The following SYN3 variants were observed in gnomAD, a reference collection of about 807,000 sequenced individuals.
SYN3 encodes synapsin-3.
SYN3 carries 35 observed loss-of-function variants against 65.8 expected under a neutral mutation model. That is an observed-to-expected ratio of 0.53 (90% CI 0.41 to 0.70). SYN3 has a LOEUF of 0.70. Ranked by LOEUF, SYN3 falls within the 30% of genes least tolerant of loss-of-function variation. SYN3 has a pLI of 0.00. For synonymous variants in SYN3, 270 were observed against 292.9 expected (o/e 0.92, Z 0.80); for missense variants, 680 against 749.0 (o/e 0.91, Z 1.08).
intron 3 of SYN3, among the ~76,000 whole-genome samples, chr22:32,940,360 A>G (rs565987334): frequency 2.4e-4 from 36 of 148,710 alleles, no homozygotes; most frequent in African/African-American, 8.9e-4. Flanking sequence ...ATGCACACAC[A>G]TATGTATATA....
Position 32,509,694 on chromosome 22 carries a change from T to TGG in SYN3, c.*3997_*3998insCC, listed in dbSNP as rs2057670701. ...CGCCATTCTCCTGCCTCAGCCTCCC[T>TGG]AGTAGCTGGGACTACAGGCGCCCGC... On this transcript the variant is annotated 3_prime_UTR_variant, in exon 14 of 14. Transcript: ENST00000358763. Among the ~76,000 whole-genome samples the TGG allele has an allele frequency of 6.6e-6, 1 of 151,830 alleles. No homozygotes were observed. Among genetic ancestry groups the TGG allele is most frequent in the African/African-American group, 2.4e-5 (1 of 41,344 alleles).
At chr22:32,943,661 T>C (rs963622147) in intron 3 of SYN3, among the ~76,000 whole-genome samples, 1 of 152,122 alleles carries the variant, frequency 6.6e-6, no homozygotes, top group Non-Finnish European at 1.5e-5. Flanking sequence ...GCAAATTGGA[T>C]AAAGAGTCAA....
intron 6 of SYN3, among the ~76,000 whole-genome samples, chr22:32,628,975 A>G (rs1231179728): frequency 6.6e-6 from 1 of 152,134 alleles, no homozygotes; most frequent in Non-Finnish European, 1.5e-5. Flanking sequence ...GGGCTCCTAG[A>G]CCTGGGCAGG....
chr22:32,932,383 T>C (rs2050656771), intron 3 of SYN3, among the ~76,000 whole-genome samples: 1 of 152,026 alleles, frequency 6.6e-6, no homozygotes, highest in African/African-American at 2.4e-5. Context: ...TGACTCGGGG[T>C]GGAAGAATGA....
chr22:32,747,075 T>C (rs950293072), intron 6 of SYN3, among the ~76,000 whole-genome samples: 2 of 152,212 alleles, frequency 1.3e-5, no homozygotes, highest in African/African-American at 4.8e-5. Flanking sequence ...ACACAATGGC[T>C]AGCATTTCTC....
intron 6 of SYN3, among the ~76,000 whole-genome samples, chr22:32,614,774 G>T (rs952408420): frequency 6.6e-6 from 1 of 152,188 alleles, no homozygotes; most frequent in African/African-American, 2.4e-5. Context: ...GTTCAAGCTT[G>T]TCAAATGAAG....
intron 6 of SYN3, among the ~76,000 whole-genome samples, chr22:32,597,219 T>C (rs1382452447): frequency 1.4e-5 from 2 of 140,744 alleles, no homozygotes; most frequent in Admixed American, 1.5e-4. Context: ...TTTTTTTTTT[T>C]TTTTTTTTTT....
Position 32,542,648 on chromosome 22 carries a change from G to GTT in SYN3, c.775-936_775-935insAA, listed in dbSNP as rs2058276539. Among the ~76,000 whole-genome samples the GTT allele has an allele frequency of 4.7e-5, 7 of 149,252 alleles. No homozygotes were observed. In the South Asian group the frequency reaches 1.3e-3, roughly 27 times the overall value. Reference sequence around the variant, plus strand: ...TGTGTGTATGTGTGTGTGTGTGTGTGTGTGTGCGCGCGCACACAGGCACAC... The same window carrying GTT: ...TGTGTGTATGTGTGTGTGTGTGTGTGTTTGTGTGCGCGCGCACACAGGCACAC... On this transcript the variant is annotated intron_variant, in intron 7 of 13. Coordinates refer to ENST00000358763, the MANE Select transcript of SYN3 (RefSeq NM_003490.4).
At chr22:32,638,855 T>A (rs1297053626) in intron 6 of SYN3, among the ~76,000 whole-genome samples, 1 of 152,168 alleles carries the variant, frequency 6.6e-6, no homozygotes, top group East Asian at 1.9e-4. Flanking sequence ...TTTGTTGCAA[T>A]TGCTTTTTAG....
intron 6 of SYN3, among the ~76,000 whole-genome samples, chr22:32,611,393 A>G (rs541602877): frequency 6.8e-6 from 1 of 147,794 alleles, no homozygotes; most frequent in South Asian, 2.1e-4. Context: ...TCCCAGATTC[A>G]GATGATTCTC....
chr22:32,981,571 C>G (rs5754366), intron 2 of SYN3, among the ~76,000 whole-genome samples: 1 of 151,144 alleles, frequency 6.6e-6, no homozygotes, highest in Non-Finnish European at 1.5e-5. Flanking sequence ...GCAACAAGAG[C>G]GAAACTCAGT....
At chr22:32,840,284 G>T (rs1393831917) in intron 6 of SYN3, among the ~76,000 whole-genome samples, 3 of 152,176 alleles carry the variant, frequency 2.0e-5, no homozygotes, top group African/African-American at 4.8e-5. Context: ...TTAACGGAAA[G>T]AGTTAGTCAG....
At chr22:32,780,987 T>TTCCCTCCC (rs2046042274) in intron 6 of SYN3, among the ~76,000 whole-genome samples, 1 of 132,866 alleles carries the variant, frequency 7.5e-6, no homozygotes, top group African/African-American at 2.8e-5. Flanking sequence ...CCCTCCTTCC[T>TTCCCTCCC]TCCTCTCTCT....
intron 6 of SYN3, among the ~76,000 whole-genome samples, chr22:32,855,511 A>T (rs138013843): frequency 7.6e-4 from 116 of 152,216 alleles, no homozygotes; most frequent in Non-Finnish European, 1.5e-3. Flanking sequence ...GCCATTTCCC[A>T]ACTGTGTGGC....
At chr22:32,537,794 C>T (rs2146212933) in intron 9 of SYN3, among the ~76,000 whole-genome samples, 1 of 152,288 alleles carries the variant, frequency 6.6e-6, no homozygotes, top group East Asian at 1.9e-4. Context: ...GCTCTGTGAT[C>T]CTAGACAAAT....
chr22:32,617,239 G>A (rs530416169), intron 6 of SYN3, among the ~76,000 whole-genome samples: 10 of 152,256 alleles, frequency 6.6e-5, no homozygotes, highest in Admixed American at 2.0e-4. Context: ...AAAAAAAGAA[G>A]GACCCTCCTC....
At chr22:32,877,614 G>A (rs1393076810) in intron 4 of SYN3, among the ~76,000 whole-genome samples, 2 of 152,080 alleles carry the variant, frequency 1.3e-5, no homozygotes, top group African/African-American at 4.8e-5. Context: ...GTGTCCCCTG[G>A]GTGGAAATGC....
intron 7 of SYN3, among the ~76,000 whole-genome samples, chr22:32,573,948 T>TA (rs1232736509): frequency 4.6e-5 from 7 of 151,150 alleles, no homozygotes; most frequent in South Asian, 2.1e-4. Context: ...TTTTTTTTTT[T>TA]TTTTATTTTA....
intron 2 of SYN3, among the ~76,000 whole-genome samples, chr22:32,995,140 C>T (rs1006461566): frequency 6.6e-6 from 1 of 152,168 alleles, no homozygotes; most frequent in African/African-American, 2.4e-5. Context: ...GCGGACAGCC[C>T]TCCTCACAGG....
Sources: allele counts gnomAD v4.1 joint callset (sites outside exome capture counted in the v4.1 genomes callset), GRCh38; gene constraint gnomAD v4.1.1; transcripts MANE v1.5; gene names NCBI Gene and HGNC (gene_info 2026-07-23, HGNC 2026-07-21).